The following ERAP1 variants were observed in gnomAD, a reference collection of about 807,000 sequenced individuals.
ERAP1 encodes endoplasmic reticulum aminopeptidase 1.
Under a neutral mutation model 103.7 loss-of-function variants are expected in ERAP1, and 86 were observed. That is an observed-to-expected ratio of 0.83 (90% CI 0.70 to 0.99). The LOEUF is 0.99. Among genes scored for constraint, ERAP1 ranks in the 50% least tolerant of loss-of-function variants. The pLI is 0.00. For synonymous variants in ERAP1, 398 were observed against 402.4 expected (o/e 0.99, Z 0.13); for missense variants, 1,009 against 1,128.4 (o/e 0.89, Z 1.52).
At chr5:96,869,421 G>T in the ERAP1 span, among the ~76,000 whole-genome samples, 1 of 151,990 alleles carries the variant, frequency 6.6e-6, no homozygotes, top group African/African-American at 2.4e-5. Flanking sequence ...ATTTACTCCT[G>T]GATGAAAGTT....
At chr5:96,933,252 C>T in the ERAP1 span, among the ~76,000 whole-genome samples, 3 of 108,618 alleles carry the variant, frequency 2.8e-5, no homozygotes, top group African/African-American at 1.1e-4. Flanking sequence ...GAGTCTTGCT[C>T]TGTCGCCCAG....
chr5:96,902,940 C>T, the ERAP1 span: 4 of 154,494 alleles, frequency 2.6e-5, no homozygotes, highest in Admixed American at 6.4e-5. Flanking sequence ...AGAGGTTTTC[C>T]GTCACAAAGT....
the ERAP1 span, among the ~76,000 whole-genome samples, chr5:96,847,891 G>A: frequency 6.6e-6 from 1 of 152,088 alleles, no homozygotes; most frequent in African/African-American, 2.4e-5. Context: ...ACAATCTGAT[G>A]TTGTACCTCA....
At chr5:96,866,843 T>C in the ERAP1 span, among the ~76,000 whole-genome samples, 1 of 152,078 alleles carries the variant, frequency 6.6e-6, no homozygotes, top group African/African-American at 2.4e-5. Context: ...AAATAAACCA[T>C]TCTGAAGCCA....
the ERAP1 span, among the ~76,000 whole-genome samples, chr5:96,822,324 A>G: frequency 6.6e-6 from 1 of 152,230 alleles, no homozygotes; most frequent in Admixed American, 6.5e-5. Context: ...CAGGAAGCCC[A>G]GAAATCTAAA....
intron 14 of ERAP1, 51 bp downstream of exon 14, chr5:96,783,873 A>ACG (rs745539925): frequency 1.5e-6 from 2 of 1,353,696 alleles, no homozygotes; most frequent in Non-Finnish European, 2.0e-6. Flanking sequence ...ACAATGATTA[A>ACG]CACTTTTTAA....
In ERAP1 at chr5:96,803,518, C is replaced by T. The variant is rs763643115; in HGVS notation, c.409G>A (p.Glu137Lys). 2.5e-6 allele frequency: 4 copies of T among 1,613,352 alleles called. No individual in the cohort carries two copies. Among genetic ancestry groups the T allele is most frequent in the South Asian group, 2.2e-5 (2 of 91,070 alleles). Reference sequence around the variant, plus strand: ...TACGGGAGCCCGACAAGGAGGGGCTCGGGAGCCAGCAGTGCAATTTGCTCC... The same window carrying T: ...TACGGGAGCCCGACAAGGAGGGGCTTGGGAGCCAGCAGTGCAATTTGCTCC... ...RQEQIALLAP[E>K]PLLVGLPYTV... The change falls in exon 2 of 19, where the codon GAG (glutamate) becomes AAG (lysine). Residue 137 changes from glutamate to lysine, a missense_variant. Physicochemically the swap from Glu to Lys is moderately conservative, Grantham distance 56. Coordinates refer to ENST00000443439, the MANE Select transcript of ERAP1 (RefSeq NM_001040458.3).
the ERAP1 span, among the ~76,000 whole-genome samples, chr5:96,898,545 T>C: frequency 7.4e-6 from 1 of 134,992 alleles, no homozygotes; most frequent in South Asian, 2.3e-4. Flanking sequence ...CTGGCCAACA[T>C]GGTGAAAACC....
intron 3 of ERAP1, among the ~76,000 whole-genome samples, chr5:96,799,329 T>G (rs26615): frequency 0.23 from 34,275 of 152,144 alleles, 3,918 homozygotes; most frequent in East Asian, 0.27. Flanking sequence ...TGAGACCCCA[T>G]TGTTCTCCCC....
At chr5:96,900,026 G>A in the ERAP1 span, 2 of 1,376,808 alleles carry the variant, frequency 1.5e-6, no homozygotes, top group Non-Finnish European at 2.0e-6. Flanking sequence ...ATTTCATATA[G>A]CTCTTTTAAT....
rs1775094542 is a variant in ERAP1, at chr5:96,781,050, C to A, written c.2588+8G>T. ...TCCAGTCACAGCACAATTTTTGGCA[C>A]CACTTACTTTTGTACAAGTTTGTTC... On this transcript the variant is annotated splice_region_variant and intron_variant, in intron 17 of 18. Coordinates refer to ENST00000443439, the MANE Select transcript of ERAP1 (RefSeq NM_001040458.3). 6.2e-7 allele frequency: 1 copy of A among 1,614,014 alleles called. No individual in the cohort carries two copies. The highest frequency in any genetic ancestry group is 8.5e-7 in the Non-Finnish European group (1 of 1,179,976).
the ERAP1 span, among the ~76,000 whole-genome samples, chr5:96,932,707 T>C: frequency 6.6e-6 from 1 of 152,236 alleles, no homozygotes; most frequent in Non-Finnish European, 1.5e-5. Context: ...ACCAAGTGTT[T>C]TATTTTGATA....
At chr5:96,814,375 G>C in the ERAP1 span, 1 of 455,646 alleles carries the variant, frequency 2.2e-6, no homozygotes, top group Non-Finnish European at 4.4e-6. Context: ...GGGCAACTTA[G>C]ATTACGTCTG....
the ERAP1 span, chr5:96,913,338 A>C: frequency 6.2e-7 from 1 of 1,614,092 alleles, no homozygotes; most frequent in Non-Finnish European, 8.5e-7. Flanking sequence ...TAGGAATGGA[A>C]GGAAAGGTTA....
chr5:96,846,359 A>G, the ERAP1 span, among the ~76,000 whole-genome samples: 1 of 152,184 alleles, frequency 6.6e-6, no homozygotes, highest in Non-Finnish European at 1.5e-5. Flanking sequence ...TTTTCTGCAC[A>G]TTAGAATCAA....
the ERAP1 span, among the ~76,000 whole-genome samples, chr5:96,860,481 C>T: frequency 6.6e-6 from 1 of 152,062 alleles, no homozygotes; most frequent in African/African-American, 2.4e-5. Flanking sequence ...GCTGAATTTA[C>T]AGAGGAGAAG....
In ERAP1 at chr5:96,775,573, T is replaced by G; in HGVS notation, c.*823A>C. 2.1e-6 allele frequency: 2 copies of G among 940,026 alleles called. No individual in the cohort carries two copies. The highest frequency in any genetic ancestry group is 2.5e-6 in the Non-Finnish European group (2 of 788,986). 58.2% of individuals were successfully genotyped at this position (940,026 alleles called of 1,614,324 possible). A position where few individuals can be genotyped will look rare whatever the true frequency, so the allele number is the denominator to read the frequency against. ...ATCTGAGGAGGGTTCTATAAAAAGA[T>G]TTTTTGCAAAAGTGCGAGCACATTA... is the stretch of plus-strand genomic sequence containing the variant. On this transcript the variant is annotated 3_prime_UTR_variant, in exon 19 of 19. Transcript: ENST00000443439.
At chr5:96,762,488 C>T in exon 20 of ERAP1, 1 of 634,530 alleles carries the variant, frequency 1.6e-6, no homozygotes, top group Non-Finnish European at 2.7e-6. Flanking sequence ...GAAGATCAGG[C>T]ACCTTCTATT....
chr5:96,807,842 G>A lies in ERAP1; in HGVS notation c.-18+18C>T. On this transcript the variant is annotated intron_variant, in intron 1 of 18. Coordinates refer to ENST00000443439, the MANE Select transcript of ERAP1 (RefSeq NM_001040458.3). ...TCCCGGCCCGCAGTCCCCTACCCGC[G>A]GCTCGAGCGCGCTGTACCTGGGGTT... The A allele has an allele frequency of 1.6e-5, 16 of 985,798 alleles. No homozygotes were observed. Among genetic ancestry groups the A allele is most frequent in the Non-Finnish European group, 1.9e-5 (16 of 830,174 alleles). The allele number at this position is 985,798 out of a possible 1,614,324, so 61.1% of individuals were successfully genotyped here. A position where few individuals can be genotyped will look rare whatever the true frequency, so the allele number is the denominator to read the frequency against.
Sources: gnomAD v4.1 joint callset for allele counts (sites outside exome capture counted in the v4.1 genomes callset) on GRCh38, gnomAD v4.1.1 for gene constraint, MANE v1.5 for transcripts, NCBI Gene and HGNC (gene_info 2026-07-23, HGNC 2026-07-21) for gene names.